Variants in PEAK1 observed in about 807,000 individuals in gnomAD.
PEAK1 encodes inactive tyrosine-protein kinase PEAK1.
PEAK1 carries 54 observed loss-of-function variants against 124.7 expected under a neutral mutation model. That is an observed-to-expected ratio of 0.43 (90% CI 0.35 to 0.54). The LOEUF (loss-of-function observed/expected upper bound fraction) is 0.54. PEAK1 is among the 20% of genes least tolerant of loss of function. The pLI, the probability that PEAK1 is intolerant of heterozygous loss-of-function variation, is 0.01. For missense variants in PEAK1, 2,046 were observed against 2,134.5 expected, an observed-to-expected ratio of 0.96 and a Z score of 0.82; for synonymous variants, 719 against 760.0, an observed-to-expected ratio of 0.95 and a Z score of 0.89.
At chr15:77,284,300 G>A (rs940010107) in intron 4 of PEAK1, among the ~76,000 whole-genome samples, 4 of 152,116 alleles carry the variant, frequency 2.6e-5, no homozygotes, top group Admixed American at 2.0e-4. Context: ...GACTTATCTC[G>A]CAACCAAAAA....
At chr15:77,328,303 T>C (rs1282193873) in intron 2 of PEAK1, among the ~76,000 whole-genome samples, 1 of 152,180 alleles carries the variant, frequency 6.6e-6, no homozygotes, top group African/African-American at 2.4e-5. Context: ...AGTACTTATT[T>C]TGAATGTACC....
intron 2 of PEAK1, among the ~76,000 whole-genome samples, chr15:77,311,241 G>C (rs968253193): frequency 6.6e-5 from 10 of 152,192 alleles, no homozygotes; most frequent in African/African-American, 2.4e-4. Flanking sequence ...GCTGGGTACA[G>C]GAATTCTTGA....
At chr15:77,382,473 T>C (rs1422772093) in intron 1 of PEAK1, among the ~76,000 whole-genome samples, 1 of 152,170 alleles carries the variant, frequency 6.6e-6, no homozygotes, top group African/African-American at 2.4e-5. Context: ...CGAGTTCTTC[T>C]CTTAGAAATA....
chr15:77,246,604 C>T (rs576470407), intron 6 of PEAK1, among the ~76,000 whole-genome samples: 7 of 152,090 alleles, frequency 4.6e-5, no homozygotes, highest in Non-Finnish European at 5.9e-5. Context: ...TTCATGAGTG[C>T]TTTGTAGATT....
intron 8 of PEAK1, among the ~76,000 whole-genome samples, chr15:77,140,861 A>G (rs991057100): frequency 6.6e-6 from 1 of 151,866 alleles, no homozygotes; most frequent in African/African-American, 2.4e-5. Context: ...CAGTCCCCCA[A>G]GTAGCCAGGA....
At chr15:77,354,068 T>A (rs1350313634) in intron 2 of PEAK1, among the ~76,000 whole-genome samples, 1 of 152,086 alleles carries the variant, frequency 6.6e-6, no homozygotes, top group African/African-American at 2.4e-5. Context: ...TAAAATCTAT[T>A]AACCTCAAAA....
chr15:77,229,150 G>A (rs896595160), intron 6 of PEAK1, among the ~76,000 whole-genome samples: 3 of 152,074 alleles, frequency 2.0e-5, no homozygotes, highest in Admixed American at 2.0e-4. Context: ...AAGTCCCTGG[G>A]AAAGAAAACA....
intron 1 of PEAK1, among the ~76,000 whole-genome samples, chr15:77,378,292 G>A (rs904584290): frequency 5.3e-5 from 8 of 150,972 alleles, no homozygotes; most frequent in Admixed American, 3.3e-4. Flanking sequence ...ACAATTTTAC[G>A]AAGCATCTCA....
Position 77,133,118 on chromosome 15 carries a change from C to A in PEAK1, c.3964G>T (p.Asp1322Tyr). 6.2e-7 allele frequency: 1 copy of A among 1,614,212 alleles called. No homozygotes were observed. The highest frequency in any genetic ancestry group is 1.1e-5 in the South Asian group (1 of 91,082). ...GQKDQLRFGV[D>Y]SWSDFRLTSD... ...GTTAGCCTGAAGTCTGACCAGCTGT[C>A]CACTCCAAAACGGAGCTGGTCTTTC... is the stretch of plus-strand genomic sequence containing the variant. Residue 1322 changes from aspartate (D) to tyrosine (Y), a missense_variant, in exon 9 of 10, where the codon GAC becomes TAC. Coordinates refer to ENST00000682557, the MANE Select transcript of PEAK1 (RefSeq NM_001385026.1). This position sits in a 1 kb window ranked among gnomAD's most constrained non-coding sequence, Gnocchi z 4.2.
At chr15:77,117,343 G>T (rs1458294429) in intron 9 of PEAK1, among the ~76,000 whole-genome samples, 1 of 152,200 alleles carries the variant, frequency 6.6e-6, no homozygotes, top group Non-Finnish European at 1.5e-5. Context: ...CCCTATTAAA[G>T]GAGACAATAT....
chr15:77,408,719 G>A (rs1479088644), intron 1 of PEAK1, among the ~76,000 whole-genome samples: 11 of 151,948 alleles, frequency 7.2e-5, no homozygotes, highest in Admixed American at 7.2e-4. Context: ...ATTGTAGCAC[G>A]CCTAGAAAGA....
At chr15:77,281,648 TC>T (rs1296924789) in intron 5 of PEAK1, among the ~76,000 whole-genome samples, 1 of 152,154 alleles carries the variant, frequency 6.6e-6, no homozygotes, top group African/African-American at 2.4e-5. Context: ...CAAATTATTA[TC>T]TCTTTCAACA....
At chr15:77,353,051 G>A (rs1043965081) in intron 2 of PEAK1, 5 of 957,512 alleles carry the variant, frequency 5.2e-6, no homozygotes, top group East Asian at 2.3e-4. Flanking sequence ...TGAACCCTCT[G>A]AGGCCAATTT....
chr15:77,303,171 T>A (rs1037305240), intron 2 of PEAK1, among the ~76,000 whole-genome samples: 4 of 152,218 alleles, frequency 2.6e-5, no homozygotes, highest in Non-Finnish European at 4.4e-5. Flanking sequence ...CTGAAGGACA[T>A]CTTGGATGCT....
intron 5 of PEAK1, among the ~76,000 whole-genome samples, chr15:77,254,203 T>A (rs2061017479): frequency 6.6e-6 from 1 of 152,134 alleles, no homozygotes; most frequent in Non-Finnish European, 1.5e-5. Flanking sequence ...TTACTGACCT[T>A]CATTCTGTGA....
chr15:77,180,853 A>T lies in PEAK1; in HGVS notation c.1074T>A (p.Ser358Arg), dbSNP rs541188760. 386 of 1,613,918 alleles carry T rather than the reference A, an allele frequency of 2.4e-4. 2 individuals carry two copies. The South Asian group carries it at 4.0e-3, about 17-fold the overall frequency. Residue 358 changes from serine (S) to arginine (R), a missense_variant, in exon 7 of 10, where the codon AGT (serine) becomes AGA (arginine). Ser to Arg is a moderately radical substitution (Grantham distance 110). Coordinates refer to ENST00000682557, the MANE Select transcript of PEAK1 (RefSeq NM_001385026.1). ...CATTACAAATCTTCTGGGATAAACTACTGGCTGTCTCAGAACGTGATTCTT... is the reference window on the plus strand; with the variant it reads ...CATTACAAATCTTCTGGGATAAACTTCTGGCTGTCTCAGAACGTGATTCTT... ...LTEESRSETASSLSQKICNGG... is the reference protein window; with the variant it reads ...LTEESRSETARSLSQKICNGG...
At chr15:77,230,839 GACAAA>G (rs1391728952) in intron 6 of PEAK1, among the ~76,000 whole-genome samples, 1 of 151,784 alleles carries the variant, frequency 6.6e-6, no homozygotes, top group South Asian at 2.1e-4. Flanking sequence ...TCTCAAACAA[GACAAA>G]ACAAAACAAA....
intron 1 of PEAK1, chr15:77,418,473 T>C (rs1281588685): frequency 4.1e-6 from 4 of 985,228 alleles, no homozygotes; most frequent in Non-Finnish European, 4.8e-6. Flanking sequence ...GAGTTGGTCA[T>C]ATCCAAAATT....
intron 6 of PEAK1, among the ~76,000 whole-genome samples, chr15:77,233,410 A>C (rs1207277150): frequency 2.6e-5 from 4 of 152,008 alleles, no homozygotes; most frequent in African/African-American, 9.7e-5. Context: ...TGATTACTCC[A>C]TTCTTCCTGG....
Sources: gnomAD v4.1 joint callset for allele counts (sites outside exome capture counted in the v4.1 genomes callset) on GRCh38, gnomAD v4.1.1 for gene constraint, Gnocchi (gnomAD v3.1) non-coding constraint, MANE v1.5 for transcripts, NCBI Gene and HGNC (gene_info 2026-07-23, HGNC 2026-07-21) for gene names.